The following KLHL25 variants were observed in gnomAD, a reference collection of about 807,000 sequenced individuals.
KLHL25 encodes kelch-like protein 25.
KLHL25 carries 41 observed loss-of-function variants against 30.0 expected under a neutral mutation model. The ratio of observed to expected loss-of-function variants is 1.37; its 90% CI spans 1.07 to 1.78. The LOEUF is 1.78. KLHL25 is among the 40% of genes most tolerant of loss of function. The pLI is 0.00. For synonymous variants in KLHL25, 399 were observed against 355.3 expected, an observed-to-expected ratio of 1.12 and a Z score of -1.38; for missense variants, 971 against 824.5, an observed-to-expected ratio of 1.18 and a Z score of -2.18.
At chr15:85,770,125 TA>T (rs1443366461) in intron 1 of KLHL25, among the ~76,000 whole-genome samples, 1 of 152,224 alleles carries the variant, frequency 6.6e-6, no homozygotes, top group Non-Finnish European at 1.5e-5. Flanking sequence ...CTCCCATGGT[TA>T]AGAGAACATG....
intron 1 of KLHL25, among the ~76,000 whole-genome samples, chr15:85,773,915 G>T (rs1031432652): frequency 6.6e-6 from 1 of 152,120 alleles, no homozygotes; most frequent in East Asian, 1.9e-4. Context: ...GGTGACCAGG[G>T]GCTGCTTGTC....
chr15:85,785,145 G>C (rs989855982), intron 1 of KLHL25, among the ~76,000 whole-genome samples: 3 of 149,412 alleles, frequency 2.0e-5, no homozygotes, highest in African/African-American at 7.4e-5. Flanking sequence ...CCAGGTTGGA[G>C]TGCAGTGGTG....
rs1370286094 is a variant in KLHL25 at position 85,783,697 on chromosome 15, A to T, written c.-11+11069T>A. On this transcript the variant is annotated intron_variant, in intron 1 of 2. Coordinates refer to ENST00000337975, the MANE Select transcript of KLHL25 (RefSeq NM_022480.4). ...ACAGAGCAAGACTCCACCTCAATAA[A>T]AAAAAAAAAAAAAAAGAATTTTAAA... Among the ~76,000 whole-genome samples the T allele has an allele frequency of 1.7e-3, 12 of 6,860 alleles. No homozygotes were observed. The East Asian group carries it at 0.2, about 114-fold the overall frequency. 4.5% of individuals were successfully genotyped at this position (6,860 alleles called of 152,430 possible). A position where few individuals can be genotyped will look rare whatever the true frequency, so the allele number is the denominator to read the frequency against.
At chr15:85,780,842 T>C (rs1194433083) in intron 1 of KLHL25, among the ~76,000 whole-genome samples, 1 of 152,234 alleles carries the variant, frequency 6.6e-6, no homozygotes, top group Non-Finnish European at 1.5e-5. Flanking sequence ...GACAAATGCA[T>C]GTGCCCTCTG....
At chr15:85,787,179 G>A (rs1321261125) in intron 1 of KLHL25, among the ~76,000 whole-genome samples, 1 of 151,434 alleles carries the variant, frequency 6.6e-6, no homozygotes, top group Non-Finnish European at 1.5e-5. Flanking sequence ...GGGCGCAGTG[G>A]CTCACGCCTG....
Position 85,769,418 on chromosome 15 carries a change from A to G in KLHL25, c.393T>C (p.Asp131=), listed in dbSNP as rs760508525. 10 of 1,614,004 alleles carry G rather than the reference A, an allele frequency of 6.2e-6. No homozygotes were observed. The highest frequency in any genetic ancestry group is 1.7e-5 in the Admixed American group (1 of 59,990). ...LEAGDMLQFH[D]VRDAAAEFLE... ...GGAACTCGGCGGCAGCATCCCGCACATCGTGGAACTGCAGCATGTCGCCTG... is the reference window on the plus strand; with the variant it reads ...GGAACTCGGCGGCAGCATCCCGCACGTCGTGGAACTGCAGCATGTCGCCTG... Residue 131 remains aspartate (D), a synonymous_variant, in exon 2 of 3, where the codon GAT becomes GAC. Transcript: ENST00000337975.
At chr15:85,764,283 T>G (rs1198623879) in intron 2 of KLHL25, 1 of 152,402 alleles carries the variant, frequency 6.6e-6, no homozygotes, top group Non-Finnish European at 1.5e-5. Context: ...TTGCAGAGCA[T>G]GGGAACAACC....
chr15:85,782,639 C>G (rs2089751135), intron 1 of KLHL25, among the ~76,000 whole-genome samples: 1 of 152,118 alleles, frequency 6.6e-6, no homozygotes, highest in Non-Finnish European at 1.5e-5. Context: ...GCCTTGTCCA[C>G]AGTACATGCT....
chr15:85,777,982 A>G (rs538052169), intron 1 of KLHL25, among the ~76,000 whole-genome samples: 1 of 152,350 alleles, frequency 6.6e-6, no homozygotes, highest in Admixed American at 6.5e-5. Flanking sequence ...CATGGTTATG[A>G]CTTTCTGTCT....
rs902362531 is a variant in KLHL25, at chr15:85,760,559, T to G, written c.*477A>C. On this transcript the variant is annotated 3_prime_UTR_variant, in exon 3 of 3. Transcript: ENST00000337975. The stretch of plus-strand genomic sequence containing the variant: ...GGTCTCAACCCCTGGGAACCTAGTT[T>G]CCCAGGCCCAGGACACCATCTATAG... 6.6e-6 allele frequency: 1 copy of G among 152,172 alleles called. No individual in the cohort carries two copies. Among genetic ancestry groups the G allele is most frequent in the Non-Finnish European group, 1.5e-5 (1 of 68,024 alleles). 9.4% of individuals were successfully genotyped at this position (152,172 alleles called of 1,614,324 possible).
At chr15:85,787,223 G>T (rs1450293975) in intron 1 of KLHL25, among the ~76,000 whole-genome samples, 2 of 152,084 alleles carry the variant, frequency 1.3e-5, no homozygotes, top group Non-Finnish European at 2.9e-5. Context: ...GAGGCAGGTG[G>T]ATCACCTGAG....
rs556440986 is a variant in KLHL25, at chr15:85,792,998, GAATC to G, written c.-11+1764_-11+1767del. 5.0e-3 allele frequency among the ~76,000 whole-genome samples: 759 copies of G among 152,214 alleles called. 6 individuals carry two copies. The highest frequency in any genetic ancestry group is 7.2e-3 in the Admixed American group (110 of 15,286). On this transcript the variant is annotated intron_variant, in intron 1 of 2. Coordinates refer to ENST00000337975, the MANE Select transcript of KLHL25 (RefSeq NM_022480.4). Reference sequence around the variant, plus strand: ...GCCCAATCAAGTCTGTTCAAACAATGAATCAATCAATCAATCAGTCACAAACCAC... The same window carrying G: ...GCCCAATCAAGTCTGTTCAAACAATGAATCAATCAATCAGTCACAAACCAC...
chr15:85,793,992 A>C (rs1338316965), intron 1 of KLHL25, among the ~76,000 whole-genome samples: 1 of 152,236 alleles, frequency 6.6e-6, no homozygotes, highest in African/African-American at 2.4e-5. Context: ...AGTATCTGGT[A>C]TCTCCCGGGC....
At chr15:85,794,544 A>C (rs2089839520) in intron 1 of KLHL25, among the ~76,000 whole-genome samples, 1 of 152,168 alleles carries the variant, frequency 6.6e-6, no homozygotes, top group East Asian at 1.9e-4. Flanking sequence ...CTCTCGGCGA[A>C]TTCCCTCGCG....
chr15:85,770,496 A>G (rs2089663843), intron 1 of KLHL25: 2 of 534,138 alleles, frequency 3.7e-6, no homozygotes, highest in South Asian at 1.4e-5. Flanking sequence ...TTGGAACAAG[A>G]GCCGCCATCA....
At chr15:85,764,271 C>G (rs952038505) in intron 2 of KLHL25, 1 of 152,450 alleles carries the variant, frequency 6.6e-6, no homozygotes, top group East Asian at 1.9e-4. Flanking sequence ...ACAGGAGGAG[C>G]TTTGCAGAGC....
Position 85,769,772 on chromosome 15 carries a change from G to C in KLHL25, c.39C>G (p.Ser13Arg), listed in dbSNP as rs1026782981. 1.2e-6 allele frequency: 2 copies of C among 1,612,474 alleles called. No homozygotes were observed. Among genetic ancestry groups the C allele is most frequent in the African/African-American group, 2.7e-5 (2 of 75,056 alleles). Residue 13 changes from serine to arginine, a missense_variant, in exon 2 of 3, where the codon AGC becomes AGG. Physicochemically the swap from Ser to Arg is moderately radical, Grantham distance 110. Coordinates refer to ENST00000337975, the MANE Select transcript of KLHL25 (RefSeq NM_022480.4). ...VSVHETRKSR[S>R]STGSMNVTLF... ...GGGTGACGTTCATGGACCCCGTGCT[G>C]CTCCGCGACTTGCGGGTCTCATGGA...
intron 1 of KLHL25, among the ~76,000 whole-genome samples, chr15:85,783,043 G>A (rs1171473174): frequency 6.6e-6 from 1 of 152,138 alleles, no homozygotes. Context: ...CCTGGTGCCT[G>A]CCTGGTACCT....
intron 1 of KLHL25, among the ~76,000 whole-genome samples, chr15:85,775,385 C>A (rs971079864): frequency 2.0e-5 from 3 of 152,150 alleles, no homozygotes; most frequent in Non-Finnish European, 4.4e-5. Flanking sequence ...AGTGAACAAC[C>A]TGCACAGTGA....
Sources: gnomAD v4.1 joint callset for allele counts (sites outside exome capture counted in the v4.1 genomes callset) on GRCh38, gnomAD v4.1.1 for gene constraint, MANE v1.5 for transcripts, NCBI Gene and HGNC (gene_info 2026-07-23, HGNC 2026-07-21) for gene names.